RASEF: variants seen among roughly 807,000 people sequenced by gnomAD.
RASEF encodes the protein RAS and EF-hand domain containing, also known as ras and EF-hand domain-containing protein.
RASEF carries 68 observed loss-of-function variants against 90.1 expected under a neutral mutation model. The observed-to-expected ratio is 0.75, with a 90% CI of 0.62 to 0.92. The LOEUF is 0.92. Among genes scored for constraint, RASEF ranks in the 40% least tolerant of loss-of-function variants. The probability of loss-of-function intolerance (pLI) is 0.00; values close to 1 mark genes in which losing one functional copy is unlikely to be tolerated. For synonymous variants in RASEF, 331 were observed against 345.2 expected (o/e 0.96, Z 0.46); for missense variants, 949 against 937.2 (o/e 1.01, Z -0.16).
At chr9:83,086,621 A>G in the RASEF span, among the ~76,000 whole-genome samples, 6 of 152,272 alleles carry the variant, frequency 3.9e-5, no homozygotes, top group African/African-American at 1.4e-4. Flanking sequence ...AGTCTTATCT[A>G]AAGGCTCGAC....
chr9:83,086,071 T>A, the RASEF span, among the ~76,000 whole-genome samples: 2 of 152,220 alleles, frequency 1.3e-5, no homozygotes, highest in Non-Finnish European at 2.9e-5. Context: ...TTAAAAAAAC[T>A]TTCAGGTGGC....
intron 1 of RASEF, 87 bp downstream of exon 1, chr9:83,062,348 GGC>G (rs1048416718): frequency 6.2e-5 from 72 of 1,156,242 alleles, no homozygotes; most frequent in African/African-American, 3.0e-4. Flanking sequence ...TAGGGGGGGG[GGC>G]CATTGGGTCT....
At chr9:83,060,256 C>A (rs1310386747) in intron 1 of RASEF, among the ~76,000 whole-genome samples, 2 of 152,124 alleles carry the variant, frequency 1.3e-5, no homozygotes, top group Non-Finnish European at 1.5e-5. Flanking sequence ...TATATGAAAA[C>A]AAGTCCCAAA....
chr9:82,999,448 G>A (rs546217176), intron 12 of RASEF, among the ~76,000 whole-genome samples: 1 of 152,232 alleles, frequency 6.6e-6, no homozygotes, highest in South Asian at 2.1e-4. Flanking sequence ...TAAGTGCAGT[G>A]CAGGCTGGGA....
the RASEF span, among the ~76,000 whole-genome samples, chr9:83,191,731 T>C: frequency 6.6e-6 from 1 of 152,212 alleles, no homozygotes; most frequent in South Asian, 2.1e-4. Flanking sequence ...CAAACTGCTG[T>C]TCACTTCCTC....
At chr9:83,076,116 CG>C in the RASEF span, among the ~76,000 whole-genome samples, 3 of 150,236 alleles carry the variant, frequency 2.0e-5, no homozygotes, top group East Asian at 5.9e-4. Context: ...TGCAGTGAGC[CG>C]AGATGGCGCC....
At position 83,062,777 on chromosome 9, in the gene RASEF, C is replaced by G; in HGVS notation, c.91G>C (p.Glu31Gln). 2 of 1,558,460 alleles carry G rather than the reference C, an allele frequency of 1.3e-6. No individual in the cohort carries two copies. Among genetic ancestry groups the G allele is most frequent in the Non-Finnish European group, 1.7e-6 (2 of 1,161,798 alleles). ...DANRSGRLEREEFRALCTELR... is the reference protein window; with the variant it reads ...DANRSGRLERQEFRALCTELR... ...TCCGTGCACAGTGCCCGGAACTCCT[C>G]GCGCTCCAGGCGCCCCGAGCGGTTC... Residue 31 changes from glutamate (E) to glutamine (Q), a missense_variant, in exon 1 of 17, where the codon GAG (glutamate) becomes CAG (glutamine). This residue lies in a region of RASEF where 656 missense variants were observed against 592.2 expected (regional missense o/e 1.11). Coordinates refer to ENST00000376447, the MANE Select transcript of RASEF (RefSeq NM_152573.4).
intron 1 of RASEF, among the ~76,000 whole-genome samples, chr9:83,049,529 C>CTTTTTTTTTTTTTTTTTTTTTTTTTTT (rs10687615): frequency 2.0e-5 from 2 of 99,084 alleles, no homozygotes; most frequent in Non-Finnish European, 1.8e-5. Flanking sequence ...TTCTGCCTTC[C>CTTTTTTTTTTTTTTTTTTTTTTTTTTT]TTTTTTTTTT....
chr9:83,048,714 AGAG>A, intron 1 of RASEF: 1 of 985,360 alleles, frequency 1.0e-6, no homozygotes, highest in Non-Finnish European at 1.2e-6. Flanking sequence ...TTTAAATGAC[AGAG>A]GAGATAAATA....
At chr9:83,065,557 A>G (rs1369717413), upstream of RASEF, among the ~76,000 whole-genome samples, 1 of 152,220 alleles carries the variant, frequency 6.6e-6, no homozygotes, top group African/African-American at 2.4e-5. Context: ...TCACATGGCC[A>G]AGCCCTAAGT....
chr9:83,024,995 C>T (rs1587504071), intron 2 of RASEF, among the ~76,000 whole-genome samples: 1 of 152,186 alleles, frequency 6.6e-6, no homozygotes, highest in African/African-American at 2.4e-5. Flanking sequence ...CACACAAGAA[C>T]TGTGACAAGC....
chr9:83,207,152 ACTCCAAGAGAGTCTATCACGGACATTCTG>A, the RASEF span, among the ~76,000 whole-genome samples: 6,537 of 151,644 alleles, frequency 0.043, 464 homozygotes, highest in African/African-American at 0.15. Context: ...ACGGGTCATT[ACTCCAAGAGAGTCTATCACGGACATTCTG>A]CTCCAAGAGA....
intron 1 of RASEF, among the ~76,000 whole-genome samples, chr9:83,041,454 A>C (rs1247307062): frequency 6.6e-6 from 1 of 152,274 alleles, no homozygotes; most frequent in Non-Finnish European, 1.5e-5. Flanking sequence ...AAAATAGATC[A>C]AAAGTATCAA....
chr9:83,147,158 T>C, the RASEF span, among the ~76,000 whole-genome samples: 1 of 151,820 alleles, frequency 6.6e-6, no homozygotes, highest in African/African-American at 2.4e-5. Context: ...AGAACAATTA[T>C]GTAACAGAAA....
At chr9:83,173,616 T>C in the RASEF span, among the ~76,000 whole-genome samples, 2 of 151,984 alleles carry the variant, frequency 1.3e-5, no homozygotes, top group East Asian at 3.9e-4. Context: ...CTTTGTTAAA[T>C]TTCTTTGATA....
At chr9:82,983,148 CACA>C (rs1439646833) in intron 16 of RASEF, among the ~76,000 whole-genome samples, 8 of 151,542 alleles carry the variant, frequency 5.3e-5, no homozygotes, top group Middle Eastern at 3.4e-3. Flanking sequence ...CACACACACA[CACA>C]CACACCCTTC....
the RASEF span, among the ~76,000 whole-genome samples, chr9:83,100,593 T>A: frequency 1.3e-5 from 2 of 152,178 alleles, no homozygotes; most frequent in Non-Finnish European, 2.9e-5. Context: ...AGGAGAAGTA[T>A]ACCCCCTCTC....
At chr9:83,135,806 G>C in the RASEF span, among the ~76,000 whole-genome samples, 1 of 152,044 alleles carries the variant, frequency 6.6e-6, no homozygotes, top group African/African-American at 2.4e-5. Flanking sequence ...GAGGAGAATA[G>C]GCTTCAAAAT....
At chr9:83,218,885 T>C in the RASEF span, among the ~76,000 whole-genome samples, 1 of 152,256 alleles carries the variant, frequency 6.6e-6, no homozygotes, top group East Asian at 1.9e-4. Context: ...CACATACCTG[T>C]GTGTCCTCAC....
Sources: gnomAD v4.1 joint callset for allele counts (sites outside exome capture counted in the v4.1 genomes callset) on GRCh38, gnomAD v4.1.1 for gene constraint, gnomAD v4.1.1 regional missense constraint, MANE v1.5 for transcripts, NCBI Gene and HGNC (gene_info 2026-07-23, HGNC 2026-07-21) for gene names.